The following SLC24A2 variants were observed in gnomAD, a reference collection of about 807,000 sequenced individuals.
SLC24A2 encodes the protein sodium/potassium/calcium exchanger 2.
SLC24A2 carries 36 observed loss-of-function variants against 62.0 expected under a neutral mutation model. The observed-to-expected ratio is 0.58, with a 90% CI of 0.44 to 0.77. The LOEUF (loss-of-function observed/expected upper bound fraction) is 0.77. Among genes scored for constraint, SLC24A2 ranks in the 30% least tolerant of loss-of-function variants. SLC24A2 has a pLI of 0.00. For synonymous variants in SLC24A2, 358 were observed against 294.0 expected, an observed-to-expected ratio of 1.22 and a Z score of -2.23; for missense variants, 846 against 817.9, an observed-to-expected ratio of 1.03 and a Z score of -0.42.
At position 19,507,699 on chromosome 9, in the gene SLC24A2, A is replaced by G. The variant is rs183396266; in HGVS notation, c.*8454T>C. 51 of 152,366 alleles carry G rather than the reference A, an allele frequency of 3.3e-4. 1 individual carries two copies. Among genetic ancestry groups the G allele is most frequent in the African/African-American group, 1.1e-3 (45 of 41,586 alleles). The allele number at this position is 152,366 out of a possible 1,614,324, so 9.4% of individuals were successfully genotyped here. A position where few individuals can be genotyped will look rare whatever the true frequency, so the allele number is the denominator to read the frequency against. ...ACATATTCACAGAGAATAAACTGAC[A>G]TAGTATCACCATGTATCTCATCATC... On this transcript the variant is annotated 3_prime_UTR_variant, in exon 11 of 11. Coordinates refer to ENST00000341998, the MANE Select transcript of SLC24A2 (RefSeq NM_020344.4).
chr9:19,833,369 C>T, the SLC24A2 span, among the ~76,000 whole-genome samples: 1 of 152,188 alleles, frequency 6.6e-6, no homozygotes, highest in African/African-American at 2.4e-5. Context: ...AATTGGGTCA[C>T]TCCCACCCTA....
the SLC24A2 span, among the ~76,000 whole-genome samples, chr9:20,238,672 C>A: frequency 1.2e-4 from 19 of 152,218 alleles, no homozygotes; most frequent in Non-Finnish European, 2.4e-4. Flanking sequence ...GCCTTGTTTG[C>A]ATGCTTTGGG....
chr9:19,960,541 C>A, the SLC24A2 span, among the ~76,000 whole-genome samples: 1 of 152,158 alleles, frequency 6.6e-6, no homozygotes, highest in Non-Finnish European at 1.5e-5. Flanking sequence ...ATAATAATTT[C>A]TTTGAACTTC....
At chr9:20,300,092 G>A in the SLC24A2 span, among the ~76,000 whole-genome samples, 21 of 152,182 alleles carry the variant, frequency 1.4e-4, no homozygotes, top group African/African-American at 5.1e-4. Context: ...CACAGATGAT[G>A]GTTGGATAGA....
At chr9:19,871,632 A>T in the SLC24A2 span, among the ~76,000 whole-genome samples, 1 of 152,160 alleles carries the variant, frequency 6.6e-6, no homozygotes, top group South Asian at 2.1e-4. Flanking sequence ...TATTGCATGA[A>T]ACAATATACA....
the SLC24A2 span, among the ~76,000 whole-genome samples, chr9:19,866,425 A>T: frequency 5.9e-5 from 9 of 152,196 alleles, no homozygotes. Context: ...CACTCTTCAC[A>T]ATAGTAAAGA....
At chr9:19,527,447 G>A (rs1208163169) in intron 9 of SLC24A2, among the ~76,000 whole-genome samples, 1 of 152,188 alleles carries the variant, frequency 6.6e-6, no homozygotes, top group Non-Finnish European at 1.5e-5. Context: ...TGTTGGGTGT[G>A]TAGGACATAC....
the SLC24A2 span, among the ~76,000 whole-genome samples, chr9:19,936,362 C>T: frequency 6.6e-6 from 1 of 152,176 alleles, no homozygotes; most frequent in African/African-American, 2.4e-5. Flanking sequence ...CAGCCTTGAC[C>T]TCCCAGGCTC....
chr9:19,761,446 CATAA>C (rs1365533670), intron 2 of SLC24A2, among the ~76,000 whole-genome samples: 1 of 149,842 alleles, frequency 6.7e-6, no homozygotes, highest in African/African-American at 2.5e-5. Flanking sequence ...TTGTTGGTTG[CATAA>C]ATGTCATTTT....
chr9:20,246,707 T>C, the SLC24A2 span, among the ~76,000 whole-genome samples: 1 of 152,222 alleles, frequency 6.6e-6, no homozygotes, highest in South Asian at 2.1e-4. Context: ...CCCCTGACAT[T>C]TGGCCTGCCC....
At chr9:19,641,037 G>A (rs1818479028) in intron 2 of SLC24A2, among the ~76,000 whole-genome samples, 1 of 152,222 alleles carries the variant, frequency 6.6e-6, no homozygotes, top group South Asian at 2.1e-4. Flanking sequence ...GAGATCTAAA[G>A]TGGGGACTGG....
the SLC24A2 span, among the ~76,000 whole-genome samples, chr9:20,219,734 T>C: frequency 6.6e-6 from 1 of 152,286 alleles, no homozygotes; most frequent in African/African-American, 2.4e-5. Context: ...GCAGGGCATA[T>C]GAAGAAATAT....
the SLC24A2 span, among the ~76,000 whole-genome samples, chr9:20,133,068 G>A: frequency 2.0e-5 from 3 of 152,032 alleles, no homozygotes; most frequent in Non-Finnish European, 2.9e-5. Flanking sequence ...TTTAACTAAG[G>A]GAGAGATTAT....
At position 19,531,692 on chromosome 9, in the gene SLC24A2, A is replaced by AC. The variant is rs141054914; in HGVS notation, c.1480-3555dup. Among the ~76,000 whole-genome samples the AC allele has an allele frequency of 6.7e-3, 813 of 121,226 alleles. 3 individuals are homozygous for AC. The highest frequency in any genetic ancestry group is 0.017 in the South Asian group (48 of 2,836). The allele number at this position is 121,226 out of a possible 152,430, so 79.5% of individuals were successfully genotyped here. A position where few individuals can be genotyped will look rare whatever the true frequency, so the allele number is the denominator to read the frequency against. On this transcript the variant is annotated intron_variant, in intron 8 of 10. Coordinates refer to ENST00000341998, the MANE Select transcript of SLC24A2 (RefSeq NM_020344.4). Reference sequence around the variant, plus strand: ...GTTCTGGGACATATATTTAACAAAGACCCCCCCCCACCCCCCAAATCCTAC... The same window carrying AC: ...GTTCTGGGACATATATTTAACAAAGACCCCCCCCCCACCCCCCAAATCCTAC...
chr9:19,944,754 G>A, the SLC24A2 span, among the ~76,000 whole-genome samples: 1 of 68,182 alleles, frequency 1.5e-5, no homozygotes, highest in East Asian at 2.8e-4. Context: ...GAGGCTGGAG[G>A]TGAATTGGAA....
At chr9:19,845,883 G>C in the SLC24A2 span, among the ~76,000 whole-genome samples, 1 of 151,884 alleles carries the variant, frequency 6.6e-6, no homozygotes, top group African/African-American at 2.4e-5. Context: ...TAATTTCCAT[G>C]TAACTGTGTG....
intron 2 of SLC24A2, among the ~76,000 whole-genome samples, chr9:19,764,676 T>G (rs1223798216): frequency 6.6e-6 from 1 of 152,058 alleles, no homozygotes; most frequent in East Asian, 1.9e-4. Context: ...ACTGTTATGA[T>G]TTCCATTCTT....
chr9:19,527,358 A>G (rs1363796911), intron 9 of SLC24A2, among the ~76,000 whole-genome samples: 1 of 152,198 alleles, frequency 6.6e-6, no homozygotes, highest in African/African-American at 2.4e-5. Context: ...AACTGTGGAT[A>G]ATAATAGTAC....
the SLC24A2 span, among the ~76,000 whole-genome samples, chr9:20,244,043 A>C: frequency 6.6e-6 from 1 of 152,202 alleles, no homozygotes; most frequent in Non-Finnish European, 1.5e-5. Flanking sequence ...TGGCTTCAGC[A>C]GGGCAGCCCA....
Sources: allele counts gnomAD v4.1 joint callset (sites outside exome capture counted in the v4.1 genomes callset), GRCh38; gene constraint gnomAD v4.1.1; transcripts MANE v1.5; gene names NCBI Gene and HGNC (gene_info 2026-07-23, HGNC 2026-07-21).